PARD3B: variants seen among roughly 807,000 people sequenced by gnomAD.
PARD3B encodes the protein partitioning defective 3 homolog B.
PARD3B carries 103 observed loss-of-function variants against 130.2 expected under a neutral mutation model. The observed-to-expected ratio is 0.79, with a 90% CI of 0.67 to 0.93. PARD3B has a LOEUF of 0.93. Ranked by LOEUF, PARD3B falls within the 40% of genes least tolerant of loss-of-function variation. The pLI is 0.00. For missense variants in PARD3B, 1,609 were observed against 1,499.2 expected (o/e 1.07, Z -1.21); for synonymous variants, 583 against 553.2 (o/e 1.05, Z -0.76).
chr2:205,571,464 C>T (rs1239938432), intron 22 of PARD3B, among the ~76,000 whole-genome samples: 3 of 152,118 alleles, frequency 2.0e-5, no homozygotes, highest in Non-Finnish European at 4.4e-5. Context: ...GCCGTCAGGC[C>T]ACGGAGTGCA....
chr2:205,228,221 C>G, intron 15 of PARD3B, among the ~76,000 whole-genome samples: 1 of 152,128 alleles, frequency 6.6e-6, no homozygotes, highest in East Asian at 1.9e-4. Context: ...AATAATATCT[C>G]ATTGTTCATC....
intron 21 of PARD3B, among the ~76,000 whole-genome samples, chr2:205,537,235 A>T (rs1416856897): frequency 6.6e-6 from 1 of 152,230 alleles, no homozygotes; most frequent in African/African-American, 2.4e-5. Context: ...ATACTGGGGC[A>T]TAATGAATAG....
intron 1 of PARD3B, among the ~76,000 whole-genome samples, chr2:204,555,608 C>G (rs2030867807): frequency 6.6e-6 from 1 of 152,128 alleles, no homozygotes; most frequent in Non-Finnish European, 1.5e-5. Flanking sequence ...TCCTTGAGAT[C>G]TCTTGGTGAA....
intron 16 of PARD3B, chr2:205,293,674 A>G (rs1013050271): frequency 6.6e-6 from 1 of 152,230 alleles, no homozygotes; most frequent in African/African-American, 2.4e-5. Flanking sequence ...AAAGTATGTA[A>G]AAGAACCTAA....
chr2:204,744,677 G>A (rs2040142651), intron 2 of PARD3B, among the ~76,000 whole-genome samples: 1 of 152,186 alleles, frequency 6.6e-6, no homozygotes. Flanking sequence ...CAATGTGCCT[G>A]TGTATCAGGA....
intron 10 of PARD3B, among the ~76,000 whole-genome samples, chr2:205,156,543 TAAAAA>T (rs10694645): frequency 6.8e-6 from 1 of 147,650 alleles, no homozygotes; most frequent in Non-Finnish European, 1.5e-5. Context: ...GAGGAAAAGA[TAAAAA>T]AAAAAAGAGA....
chr2:205,553,549 C>A, intron 22 of PARD3B, 146 bp downstream of exon 22: 1 of 683,540 alleles, frequency 1.5e-6, no homozygotes, highest in Non-Finnish European at 2.4e-6. Flanking sequence ...CTAGTTCCAT[C>A]TTCACAAATG....
chr2:205,509,118 A>G (rs1314418403), intron 21 of PARD3B, among the ~76,000 whole-genome samples: 2 of 152,166 alleles, frequency 1.3e-5, no homozygotes, highest in Non-Finnish European at 2.9e-5. Context: ...ATCATTTTTG[A>G]AAGGAAGCAA....
At chr2:204,881,513 C>G (rs1248791470) in intron 2 of PARD3B, among the ~76,000 whole-genome samples, 1 of 151,430 alleles carries the variant, frequency 6.6e-6, no homozygotes. Context: ...TCCTTTTAGC[C>G]CTGAAGGACT....
At chr2:205,001,605 G>A (rs1367237967) in intron 3 of PARD3B, among the ~76,000 whole-genome samples, 1 of 152,166 alleles carries the variant, frequency 6.6e-6, no homozygotes, top group Admixed American at 6.5e-5. Context: ...ATAAACCTGG[G>A]TGGTCTCAAA....
rs753773435 is a variant in PARD3B at position 205,125,730 on chromosome 2, G to A, written c.1427G>A (p.Arg476Gln). 7.4e-6 allele frequency: 12 copies of A among 1,613,900 alleles called. No individual in the cohort carries two copies. Among genetic ancestry groups the A allele is most frequent in the African/African-American group, 4.0e-5 (3 of 74,898 alleles). The change falls in exon 10 of 23, where the codon CGA becomes CAA. Residue 476 changes from arginine to glutamine, a missense_variant. Coordinates refer to ENST00000406610, the MANE Select transcript of PARD3B (RefSeq NM_001302769.2). The surrounding 1 kb of genome is among the most constrained non-coding windows in gnomAD (Gnocchi z 4.0). ...CGCCAAGAAGGACATTTTCTGCCCC[G>A]AGAGTTGGTAATGTTCAGATCTCAG... The part of the protein sequence containing the change: ...IARQEGHFLP[R>Q]ELKGEPDCCA...
chr2:204,921,382 A>G (rs1310263480), intron 2 of PARD3B, among the ~76,000 whole-genome samples: 2 of 152,208 alleles, frequency 1.3e-5, no homozygotes, highest in Admixed American at 6.5e-5. Flanking sequence ...TCTAATCTAG[A>G]TGAGGTCACA....
intron 3 of PARD3B, among the ~76,000 whole-genome samples, chr2:204,984,389 G>A (rs1281580550): frequency 3.3e-5 from 5 of 152,132 alleles, no homozygotes; most frequent in Non-Finnish European, 7.4e-5. Flanking sequence ...CATATTGAAG[G>A]TGGAATGCAC....
chr2:204,592,512 G>T (rs2033120114), intron 1 of PARD3B, among the ~76,000 whole-genome samples: 1 of 152,088 alleles, frequency 6.6e-6, no homozygotes, highest in South Asian at 2.1e-4. Context: ...ATACCACTTT[G>T]TAAAACTTAT....
At chr2:204,919,700 C>A (rs2047590460) in intron 2 of PARD3B, among the ~76,000 whole-genome samples, 2 of 151,990 alleles carry the variant, frequency 1.3e-5, no homozygotes, top group African/African-American at 4.8e-5. Flanking sequence ...TCAATATGAC[C>A]TTCTCCTTTT....
At chr2:205,175,432 T>A (rs1466010704) in intron 12 of PARD3B, among the ~76,000 whole-genome samples, 1 of 152,234 alleles carries the variant, frequency 6.6e-6, no homozygotes, top group Non-Finnish European at 1.5e-5. Flanking sequence ...TGAAAACATT[T>A]TAATTATTAA....
Position 205,405,136 on chromosome 2 carries a change from A to C in PARD3B, c.2741+4013A>C, listed in dbSNP as rs2046376301. Among the ~76,000 whole-genome samples the C allele has an allele frequency of 6.6e-6, 1 of 152,220 alleles. No individual in the cohort carries two copies. The highest frequency in any genetic ancestry group is 2.4e-5 in the African/African-American group (1 of 41,458). The stretch of plus-strand genomic sequence containing the variant: ...ACTGAAAAAGTCCAAAAAGCCATAA[A>C]AGATGAGTTGGGTTACTAGATTAGA... On this transcript the variant is annotated intron_variant, in intron 19 of 22. Coordinates refer to ENST00000406610, the MANE Select transcript of PARD3B (RefSeq NM_001302769.2). This position sits in a 1 kb window ranked among gnomAD's most constrained non-coding sequence, Gnocchi z 4.1.
intron 2 of PARD3B, among the ~76,000 whole-genome samples, chr2:204,918,367 A>T (rs916370778): frequency 6.6e-6 from 1 of 152,198 alleles, no homozygotes; most frequent in Non-Finnish European, 1.5e-5. Context: ...GCAGTGGCTC[A>T]CGCCTGTAAT....
At chr2:205,284,957 T>C (rs2041333650) in intron 16 of PARD3B, among the ~76,000 whole-genome samples, 2 of 151,502 alleles carry the variant, frequency 1.3e-5, no homozygotes, top group South Asian at 2.1e-4. Flanking sequence ...ATAAGTCACA[T>C]TGCTCAAAAG....
Sources: gnomAD v4.1 joint callset for allele counts (sites outside exome capture counted in the v4.1 genomes callset) on GRCh38, gnomAD v4.1.1 for gene constraint, Gnocchi (gnomAD v3.1) non-coding constraint, MANE v1.5 for transcripts, NCBI Gene and HGNC (gene_info 2026-07-23, HGNC 2026-07-21) for gene names.